C7: variants seen among roughly 807,000 people sequenced by gnomAD.
C7 encodes the protein complement C7.
Under a neutral mutation model 104.8 loss-of-function variants are expected in C7, and 83 were observed. The observed-to-expected ratio is 0.79, with a 90% CI of 0.66 to 0.95. The LOEUF is 0.95. C7 is among the 40% of genes least tolerant of loss of function. The pLI is 0.00. For synonymous variants in C7, 415 were observed against 360.6 expected (o/e 1.15, Z -1.71); for missense variants, 1,070 against 1,011.2 (o/e 1.06, Z -0.79).
chr5:40,964,823 C>A lies in C7; in HGVS notation c.1832C>A (p.Ala611Asp). 1 of 1,613,632 alleles carries A rather than the reference C, an allele frequency of 6.2e-7. No individual in the cohort carries two copies. Among genetic ancestry groups the A allele is most frequent in the African/African-American group, 1.3e-5 (1 of 75,014 alleles). ...EGYSLIGNPV[A>D]RCGEDLRWLV... ...TACTCTCTTATTGGAAACCCAGTGG[C>A]CAGATGTGGAGAAGATTTACGGTGG... Residue 611 changes from alanine (A) to aspartate (D), a missense_variant, in exon 14 of 18, where the codon GCC becomes GAC. Ala to Asp is a moderately radical substitution (Grantham distance 126). Transcript: ENST00000313164.
intron 7 of C7, 101 bp downstream of exon 7, chr5:40,945,469 A>C (rs1740027251): frequency 1.3e-6 from 1 of 744,112 alleles, no homozygotes; most frequent in Non-Finnish European, 2.1e-6. Context: ...TTTCATATTA[A>C]AATTAGTAAT....
In C7 at chr5:40,936,494, C is replaced by A. The variant is rs373620216; in HGVS notation, c.428+9C>A. On this transcript the variant is annotated intron_variant, in intron 5 of 17. Coordinates refer to ENST00000313164, the MANE Select transcript of C7 (RefSeq NM_000587.4). ...GAACTTACTGGAAATGGGTAAGGTG[C>A]TGGGCAGCCTCCTGAGTACATCAGT... 2 of 1,610,974 alleles carry A rather than the reference C, an allele frequency of 1.2e-6. No individual in the cohort carries two copies. The highest frequency in any genetic ancestry group is 2.2e-5 in the South Asian group (2 of 90,586).
intron 17 of C7, 79 bp from the exon 18 acceptor site, chr5:40,981,313 T>G: frequency 4.6e-6 from 6 of 1,317,406 alleles, no homozygotes; most frequent in Non-Finnish European, 6.4e-6. Context: ...GATCACCACA[T>G]TATTACTTTG....
At chr5:40,937,440 T>C (rs988024992) in intron 5 of C7, 112 bp from the exon 6 acceptor site, 3 of 1,032,518 alleles carry the variant, frequency 2.9e-6, no homozygotes, top group African/African-American at 1.6e-5. Context: ...TTAAGTGTAA[T>C]GCATTTTAAG....
chr5:40,950,594 T>A (rs1485465729), intron 9 of C7, among the ~76,000 whole-genome samples: 3 of 152,222 alleles, frequency 2.0e-5, no homozygotes, highest in Admixed American at 6.5e-5. Context: ...TTTTAAAAAA[T>A]CTATTTGGTA....
At chr5:40,958,355 G>A in intron 11 of C7, 94 bp downstream of exon 11, 3 of 698,304 alleles carry the variant, frequency 4.3e-6, no homozygotes, top group Non-Finnish European at 6.7e-6. Context: ...TGTGTATGAA[G>A]AGATGAAGTC....
intron 9 of C7, 87 bp downstream of exon 9, chr5:40,950,101 G>A (rs1265971997): frequency 1.4e-6 from 1 of 736,084 alleles, no homozygotes; most frequent in African/African-American, 1.8e-5. Context: ...AAGTTATGTA[G>A]GTAAACTTGT....
chr5:40,911,291 T>C (rs1220916582), intron 1 of C7, among the ~76,000 whole-genome samples: 2 of 152,260 alleles, frequency 1.3e-5, no homozygotes, highest in African/African-American at 4.8e-5. Context: ...AAATGGTTTC[T>C]ATGTCAGACT....
Position 40,947,655 on chromosome 5 carries a change from TA to T in C7, c.794del (p.Asn265ThrfsTer31). The T allele has an allele frequency of 2.5e-6, 4 of 1,613,614 alleles. No homozygotes were observed. The highest frequency in any genetic ancestry group is 3.4e-6 in the Non-Finnish European group (4 of 1,179,720). On this transcript the variant is annotated frameshift_variant, in exon 8 of 18. Coordinates refer to ENST00000313164, the MANE Select transcript of C7 (RefSeq NM_000587.4). LOFTEE classifies it high-confidence loss of function. ...NTVEVAQFIN[N>X]NPEFLQLAEP... ...CTGTTGAAGTGGCTCAGTTCATTAA[TA>T]ACAATCCAGAATTTTTACAACTTGC...
chr5:40,909,708 T>C (rs1173003977), intron 1 of C7, 92 bp downstream of exon 1: 2 of 856,662 alleles, frequency 2.3e-6, no homozygotes, highest in African/African-American at 1.7e-5. Context: ...AGAGGTGTAA[T>C]ACCTAACTGA....
At chr5:40,910,608 C>A in intron 1 of C7, among the ~76,000 whole-genome samples, 1 of 151,870 alleles carries the variant, frequency 6.6e-6, no homozygotes, top group Admixed American at 6.6e-5. Context: ...AAATCATGTC[C>A]TTTGCAGCAA....
intron 1 of C7, among the ~76,000 whole-genome samples, chr5:40,922,435 C>T (rs1184301000): frequency 2.1e-5 from 3 of 144,724 alleles, no homozygotes; most frequent in African/African-American, 7.7e-5. Context: ...GGCGCAGTGG[C>T]TCAGAGCTGT....
intron 6 of C7, among the ~76,000 whole-genome samples, chr5:40,941,538 G>A (rs1739936970): frequency 6.6e-6 from 1 of 152,138 alleles, no homozygotes; most frequent in Non-Finnish European, 1.5e-5. Flanking sequence ...TTTAAGAAGG[G>A]TTGCTACTCT....
intron 9 of C7, among the ~76,000 whole-genome samples, chr5:40,953,369 G>A (rs539136275): frequency 1.2e-4 from 18 of 152,236 alleles, no homozygotes; most frequent in Admixed American, 7.2e-4. Flanking sequence ...TCGACTAGGC[G>A]TGGTGGCTCA....
At chr5:40,936,994 GAGAATTCTGA>G (rs1739831680) in intron 5 of C7, among the ~76,000 whole-genome samples, 2 of 152,050 alleles carry the variant, frequency 1.3e-5, no homozygotes, top group Admixed American at 1.3e-4. Context: ...CGTTATCAAA[GAGAATTCTGA>G]AGAATTTTTA....
intron 15 of C7, 149 bp from the exon 16 acceptor site, chr5:40,976,601 C>G: frequency 2.0e-6 from 1 of 511,956 alleles, no homozygotes; most frequent in Non-Finnish European, 3.5e-6. Flanking sequence ...TAAAATGTAT[C>G]ACACCTTGAT....
At chr5:40,949,695 TCC>T (rs1373520499) in intron 8 of C7, among the ~76,000 whole-genome samples, 1 of 152,134 alleles carries the variant, frequency 6.6e-6, no homozygotes, top group Non-Finnish European at 1.5e-5. Context: ...CTCTTCTGCC[TCC>T]CCTCTGAAGC....
At chr5:40,923,322 G>T (rs1739480754) in intron 1 of C7, among the ~76,000 whole-genome samples, 2 of 152,164 alleles carry the variant, frequency 1.3e-5, no homozygotes, top group Admixed American at 1.3e-4. Context: ...TAATTGCCTT[G>T]TGGTTCTGCA....
chr5:40,920,381 C>A (rs1739414315), intron 1 of C7, among the ~76,000 whole-genome samples: 1 of 152,000 alleles, frequency 6.6e-6, no homozygotes, highest in South Asian at 2.1e-4. Context: ...GGTTGCAATA[C>A]AATATTTACA....
Sources: gnomAD v4.1 joint callset for allele counts (sites outside exome capture counted in the v4.1 genomes callset) on GRCh38, gnomAD v4.1.1 for gene constraint, MANE v1.5 for transcripts, NCBI Gene and HGNC (gene_info 2026-07-23, HGNC 2026-07-21) for gene names.